Variants in GALNT13 observed in about 807,000 individuals in gnomAD.
GALNT13 encodes UDP-GalNAc:polypeptide N-acetylgalactosaminyltransferase 13.
A neutral mutation model predicts 64.2 loss-of-function variants in GALNT13; 28 were observed. That is an observed-to-expected ratio of 0.44 (90% CI 0.32 to 0.60). GALNT13 has a LOEUF of 0.60. GALNT13 is among the 20% of genes least tolerant of loss of function. GALNT13 has a pLI of 0.05. For synonymous variants in GALNT13, 214 were observed against 224.6 expected, an observed-to-expected ratio of 0.95 and a Z score of 0.42; for missense variants, 577 against 669.8, an observed-to-expected ratio of 0.86 and a Z score of 1.53.
the GALNT13 span, among the ~76,000 whole-genome samples, chr2:153,453,621 T>C: frequency 1.3e-5 from 2 of 152,154 alleles, no homozygotes; most frequent in African/African-American, 4.8e-5. Flanking sequence ...CAACAGCAGA[T>C]GCTGGTAAGG....
chr2:153,221,308 C>T, the GALNT13 span, among the ~76,000 whole-genome samples: 1 of 152,044 alleles, frequency 6.6e-6, no homozygotes, highest in Non-Finnish European at 1.5e-5. Flanking sequence ...ACGTACACAC[C>T]CAAATCGATG....
chr2:153,451,735 G>T, the GALNT13 span, among the ~76,000 whole-genome samples: 4 of 152,320 alleles, frequency 2.6e-5, no homozygotes, highest in African/African-American at 9.6e-5. Flanking sequence ...TACTGTGAAA[G>T]AAATGGGAAA....
chr2:153,989,432 A>G (rs1695019345), intron 3 of GALNT13, among the ~76,000 whole-genome samples: 2 of 151,996 alleles, frequency 1.3e-5, no homozygotes, highest in Non-Finnish European at 2.9e-5. Flanking sequence ...CATGATATAT[A>G]TGTGGTCTAA....
chr2:153,286,514 A>T, the GALNT13 span, among the ~76,000 whole-genome samples: 1 of 152,178 alleles, frequency 6.6e-6, no homozygotes, highest in East Asian at 1.9e-4. Context: ...AGTTAGGAGG[A>T]GTAATGTGAA....
intron 9 of GALNT13, among the ~76,000 whole-genome samples, chr2:154,366,198 A>T (rs1477859730): frequency 5.9e-5 from 9 of 152,180 alleles, no homozygotes; most frequent in Admixed American, 5.9e-4. Flanking sequence ...CCCCTAAAAA[A>T]TGTCCCAGAT....
chr2:153,938,318 A>G (rs1266666334), intron 2 of GALNT13, among the ~76,000 whole-genome samples: 5 of 152,160 alleles, frequency 3.3e-5, no homozygotes, highest in Non-Finnish European at 7.3e-5. Flanking sequence ...TTCTCTGTTA[A>G]ATGTAGATGC....
At chr2:154,217,253 A>G (rs770066878) in intron 4 of GALNT13, among the ~76,000 whole-genome samples, 2 of 152,104 alleles carry the variant, frequency 1.3e-5, no homozygotes, top group Non-Finnish European at 2.9e-5. Context: ...TAAACTCCAG[A>G]TTCCAGCAAT....
At position 154,066,583 on chromosome 2, in the gene GALNT13, A is replaced by G. The variant is rs144883074; in HGVS notation, c.143-73754A>G. ...CAGGAGAGAATGAAATGACATATTT[A>G]AAGTGCTGAAGGAAAAAGCATTTTG... On this transcript the variant is annotated intron_variant, in intron 3 of 12. Coordinates refer to ENST00000392825, the MANE Select transcript of GALNT13 (RefSeq NM_052917.4). Among the ~76,000 whole-genome samples the G allele has an allele frequency of 9.9e-3, 1,510 of 152,250 alleles. 29 individuals carry two copies. Among genetic ancestry groups the G allele is most frequent in the African/African-American group, 0.035 (1,444 of 41,560 alleles).
intron 9 of GALNT13, among the ~76,000 whole-genome samples, chr2:154,352,270 C>CA (rs1414525479): frequency 6.6e-5 from 10 of 152,354 alleles, no homozygotes; most frequent in Admixed American, 6.5e-4. Flanking sequence ...GGACATGCCA[C>CA]TGCAGTTGGC....
the GALNT13 span, among the ~76,000 whole-genome samples, chr2:153,149,620 A>G: frequency 1.3e-5 from 2 of 151,864 alleles, no homozygotes; most frequent in African/African-American, 4.8e-5. Flanking sequence ...GATCCTTTCA[A>G]CACTCATTTT....
the GALNT13 span, among the ~76,000 whole-genome samples, chr2:153,539,004 AC>A: frequency 1.2e-5 from 1 of 85,672 alleles, no homozygotes; most frequent in Non-Finnish European, 2.0e-5. Flanking sequence ...TTACAGTCCC[AC>A]CAACAGTGTA....
chr2:153,908,222 C>T (rs994375571), intron 2 of GALNT13, among the ~76,000 whole-genome samples: 7 of 151,810 alleles, frequency 4.6e-5, no homozygotes, highest in East Asian at 1.9e-4. Flanking sequence ...TCATGTCCTC[C>T]GCCCACTGTT....
the GALNT13 span, chr2:153,201,617 A>G: frequency 6.6e-6 from 1 of 152,138 alleles, no homozygotes; most frequent in Non-Finnish European, 1.5e-5. Context: ...TTTGTCATCC[A>G]CCAACTCTAT....
the GALNT13 span, chr2:153,357,355 A>G: frequency 6.6e-6 from 1 of 152,212 alleles, no homozygotes; most frequent in Non-Finnish European, 1.5e-5. Flanking sequence ...GTTTATTTCA[A>G]CTTGATTATT....
the GALNT13 span, among the ~76,000 whole-genome samples, chr2:153,602,265 G>C: frequency 6.6e-6 from 1 of 151,774 alleles, no homozygotes; most frequent in African/African-American, 2.4e-5. Flanking sequence ...TACTATTTTA[G>C]GCACTAAGTT....
At chr2:153,253,828 C>T in the GALNT13 span, among the ~76,000 whole-genome samples, 1 of 151,890 alleles carries the variant, frequency 6.6e-6, no homozygotes, top group African/African-American at 2.4e-5. Flanking sequence ...CCCACTTGAT[C>T]ATGGTGGATA....
chr2:153,588,969 C>T, the GALNT13 span, among the ~76,000 whole-genome samples: 1 of 152,170 alleles, frequency 6.6e-6, no homozygotes, highest in South Asian at 2.1e-4. Flanking sequence ...GAGTTTGAGA[C>T]CAGCCTGACC....
the GALNT13 span, among the ~76,000 whole-genome samples, chr2:153,540,000 G>A: frequency 2.0e-5 from 3 of 152,204 alleles, no homozygotes; most frequent in African/African-American, 4.8e-5. Context: ...CTGCAGAAAC[G>A]TGCACAAGTA....
At chr2:154,107,201 C>T (rs1397928937) in intron 3 of GALNT13, among the ~76,000 whole-genome samples, 1 of 152,074 alleles carries the variant, frequency 6.6e-6, no homozygotes, top group Non-Finnish European at 1.5e-5. Context: ...CCTAATAAAC[C>T]TCTTTTCTTT....
Sources: gnomAD v4.1 joint callset for allele counts (sites outside exome capture counted in the v4.1 genomes callset) on GRCh38, gnomAD v4.1.1 for gene constraint, MANE v1.5 for transcripts, NCBI Gene and HGNC (gene_info 2026-07-23, HGNC 2026-07-21) for gene names.